ATP6V1H: variants seen among roughly 807,000 people sequenced by gnomAD.
ATP6V1H encodes ATPase H+ transporting V1 subunit H, also known as V-type proton ATPase subunit H.
A neutral mutation model predicts 71.7 loss-of-function variants in ATP6V1H; 39 were observed. The observed-to-expected ratio is 0.54, with a 90% CI of 0.42 to 0.71. The LOEUF is 0.71. Ranked by LOEUF, ATP6V1H falls within the 30% of genes least tolerant of loss-of-function variation. ATP6V1H has a pLI of 0.00. For synonymous variants in ATP6V1H, 192 were observed against 199.3 expected (o/e 0.96, Z 0.31); for missense variants, 509 against 594.9 (o/e 0.86, Z 1.50).
chr8:53,840,381 C>T (rs896659396), intron 2 of ATP6V1H, among the ~76,000 whole-genome samples: 5 of 151,926 alleles, frequency 3.3e-5, no homozygotes, highest in Non-Finnish European at 7.4e-5. Flanking sequence ...GCCTGTAATC[C>T]CAGCTACTCG....
chr8:53,748,385 C>T (rs75756076), intron 12 of ATP6V1H, among the ~76,000 whole-genome samples: 4,927 of 152,186 alleles, frequency 0.032, 152 homozygotes, highest in East Asian at 0.15. Flanking sequence ...AGTCTATATT[C>T]AATAATGTTT....
chr8:53,762,163 T>C (rs1552148), intron 11 of ATP6V1H, among the ~76,000 whole-genome samples: 17,284 of 152,074 alleles, frequency 0.11, 1,417 homozygotes, highest in East Asian at 0.37. Context: ...AACTATTGTA[T>C]TGAGCAGCAC....
At chr8:53,789,754 A>G (rs1334848965) in intron 9 of ATP6V1H, among the ~76,000 whole-genome samples, 2 of 152,184 alleles carry the variant, frequency 1.3e-5, no homozygotes, top group African/African-American at 4.8e-5. Context: ...AATTTTTACA[A>G]TCTTTTACAA....
intron 11 of ATP6V1H, 127 bp from the exon 12 acceptor site, chr8:53,756,783 G>T: frequency 1.7e-6 from 1 of 585,222 alleles, no homozygotes; most frequent in Non-Finnish European, 2.9e-6. Context: ...TTCTTCTAAG[G>T]ATTTCACTAT....
intron 7 of ATP6V1H, among the ~76,000 whole-genome samples, chr8:53,806,361 C>A (rs1055124255): frequency 6.6e-6 from 1 of 151,754 alleles, no homozygotes; most frequent in Admixed American, 6.6e-5. Flanking sequence ...TACATATATA[C>A]CCCAAGAATT....
intron 11 of ATP6V1H, among the ~76,000 whole-genome samples, chr8:53,762,823 C>T (rs1013316779): frequency 4.0e-5 from 6 of 151,040 alleles, no homozygotes; most frequent in African/African-American, 1.5e-4. Context: ...CACAGGTCCA[C>T]TTACACATGG....
intron 2 of ATP6V1H, among the ~76,000 whole-genome samples, chr8:53,838,670 G>C (rs1325680274): frequency 2.0e-5 from 3 of 152,138 alleles, no homozygotes; most frequent in Admixed American, 1.3e-4. Flanking sequence ...AGTTTTACCA[G>C]ATTCCAGTTT....
chr8:53,806,968 G>A (rs1305198327), intron 7 of ATP6V1H: 6 of 409,328 alleles, frequency 1.5e-5, no homozygotes, highest in South Asian at 3.6e-5. Context: ...TTGGACCATC[G>A]TAGGGCAGGG....
intron 13 of ATP6V1H, among the ~76,000 whole-genome samples, chr8:53,731,758 C>T (rs1169490271): frequency 1.3e-5 from 2 of 152,252 alleles, no homozygotes; most frequent in Non-Finnish European, 2.9e-5. Context: ...GGTTCCCTGA[C>T]CGGGAAGCGA....
intron 2 of ATP6V1H, among the ~76,000 whole-genome samples, chr8:53,839,253 A>G (rs771279158): frequency 2.0e-5 from 3 of 152,318 alleles, no homozygotes; most frequent in East Asian, 3.9e-4. Context: ...TATTCTATGT[A>G]GGCTATAAAC....
chr8:53,776,574 T>C (rs1294046301), intron 9 of ATP6V1H, among the ~76,000 whole-genome samples: 1 of 152,218 alleles, frequency 6.6e-6, no homozygotes, highest in Non-Finnish European at 1.5e-5. Flanking sequence ...CCAAGTTAAC[T>C]GCCTGCTAAA....
intron 3 of ATP6V1H, among the ~76,000 whole-genome samples, chr8:53,830,946 C>T (rs1438624886): frequency 1.3e-5 from 2 of 152,036 alleles, no homozygotes; most frequent in East Asian, 1.9e-4. Context: ...CAACAGCAGA[C>T]ATCACAAAGG....
chr8:53,802,661 A>T (rs186510206), intron 7 of ATP6V1H, among the ~76,000 whole-genome samples: 2 of 152,322 alleles, frequency 1.3e-5, no homozygotes, highest in African/African-American at 4.8e-5. Flanking sequence ...CAGAGGTTGC[A>T]GTGAGCCAAG....
rs192617867 is a variant in ATP6V1H, at chr8:53,839,624, C to T, written c.113+1954G>A. 7.1e-6 allele frequency: 7 copies of T among 985,404 alleles called. No individual in the cohort carries two copies. The Admixed American group carries it at 2.5e-4, about 35-fold the overall frequency. 61.0% of individuals were successfully genotyped at this position (985,404 alleles called of 1,614,324 possible). ...TCTAGACTTATCACCTACAAACTCA[C>T]CCTTCATGCTGCTAGTAGAACAATT... is the stretch of plus-strand genomic sequence containing the variant. On this transcript the variant is annotated intron_variant, in intron 2 of 13. Transcript: ENST00000359530.
intron 6 of ATP6V1H, 129 bp from the exon 7 acceptor site, chr8:53,811,346 T>C: frequency 1.5e-6 from 1 of 666,200 alleles, no homozygotes; most frequent in Non-Finnish European, 2.5e-6. Flanking sequence ...ATAATTTTAT[T>C]CCTAATCCTA....
At chr8:53,717,871 T>C (rs1384053574) in intron 13 of ATP6V1H, among the ~76,000 whole-genome samples, 5 of 152,228 alleles carry the variant, frequency 3.3e-5, no homozygotes, top group Admixed American at 6.5e-5. Flanking sequence ...TTAGACTCTT[T>C]AGTGTGGAGC....
chr8:53,820,548 T>C (rs1810616653), intron 4 of ATP6V1H, among the ~76,000 whole-genome samples: 1 of 151,768 alleles, frequency 6.6e-6, no homozygotes. Flanking sequence ...GCGCCTGTAG[T>C]TCCAGCTACT....
chr8:53,805,892 T>C lies in ATP6V1H; in HGVS notation c.580-3996A>G, dbSNP rs184838518. 4.7e-4 allele frequency among the ~76,000 whole-genome samples: 71 copies of C among 152,320 alleles called. No homozygotes were observed. In the East Asian group the frequency reaches 8.5e-3, roughly 18 times the overall value. On this transcript the variant is annotated intron_variant, in intron 7 of 13. Transcript: ENST00000359530. ...GAGAGCTCAGACACATAAGAATTTA[T>C]ACTGTATGATTCCATTAAATGGAGT...
At chr8:53,778,560 TGCA>T (rs1808975886) in intron 9 of ATP6V1H, among the ~76,000 whole-genome samples, 1 of 152,196 alleles carries the variant, frequency 6.6e-6, no homozygotes, top group African/African-American at 2.4e-5. Context: ...TCCTGTCATC[TGCA>T]GCAACATGGA....
Sources: allele counts gnomAD v4.1 joint callset (sites outside exome capture counted in the v4.1 genomes callset), GRCh38; gene constraint gnomAD v4.1.1; transcripts MANE v1.5; gene names NCBI Gene and HGNC (gene_info 2026-07-23, HGNC 2026-07-21).